The following DENND5A variants were observed in gnomAD, a reference collection of about 807,000 sequenced individuals.
The protein encoded by DENND5A is DENN domain containing 5A, also known as DENN domain-containing protein 5A.
Under a neutral mutation model 140.3 loss-of-function variants are expected in DENND5A, and 64 were observed. The observed-to-expected ratio is 0.46, with a 90% CI of 0.37 to 0.56. DENND5A has a LOEUF of 0.56. Ranked by LOEUF, DENND5A falls within the 20% of genes least tolerant of loss-of-function variation. The pLI, the probability that DENND5A is intolerant of heterozygous loss-of-function variation, is 0.00. For missense variants in DENND5A, 1,292 were observed against 1,593.8 expected (o/e 0.81, Z 3.22); for synonymous variants, 605 against 607.7 (o/e 1.00, Z 0.07).
intron 10 of DENND5A, among the ~76,000 whole-genome samples, chr11:9,167,126 C>A (rs893701841): frequency 1.3e-5 from 2 of 152,064 alleles, no homozygotes; most frequent in South Asian, 2.1e-4. Context: ...AACACAGAAC[C>A]CACATCAATG....
chr11:9,170,438 C>A (rs1848332211), intron 9 of DENND5A, among the ~76,000 whole-genome samples, 189 bp downstream of exon 9: 1 of 152,152 alleles, frequency 6.6e-6, no homozygotes, highest in African/African-American at 2.4e-5. Flanking sequence ...ATAGTGGAGG[C>A]AGAACTGAAA....
chr11:9,248,035 T>A (rs1851553884), intron 1 of DENND5A, among the ~76,000 whole-genome samples: 1 of 152,208 alleles, frequency 6.6e-6, no homozygotes, highest in African/African-American at 2.4e-5. Context: ...TTGCCCAGGC[T>A]AGAGTGCAGT....
chr11:9,177,057 C>T (rs982657311), intron 8 of DENND5A, among the ~76,000 whole-genome samples: 1 of 151,390 alleles, frequency 6.6e-6, no homozygotes, highest in African/African-American at 2.4e-5. Flanking sequence ...GAGTTCGAGG[C>T]CAGCCTGGGC....
intron 1 of DENND5A, among the ~76,000 whole-genome samples, chr11:9,241,144 A>G (rs1411713765): frequency 1.3e-5 from 2 of 152,144 alleles, no homozygotes; most frequent in Non-Finnish European, 2.9e-5. Context: ...CCAGAACTGA[A>G]AGACTCTAAA....
chr11:9,176,382 C>T (rs1208263988), intron 8 of DENND5A, among the ~76,000 whole-genome samples: 1 of 152,174 alleles, frequency 6.6e-6, no homozygotes, highest in Non-Finnish European at 1.5e-5. Context: ...AATGCCTTAA[C>T]AAGGACACTG....
intron 8 of DENND5A, among the ~76,000 whole-genome samples, chr11:9,174,503 A>C (rs1338968197): frequency 6.6e-6 from 1 of 150,988 alleles, no homozygotes; most frequent in Non-Finnish European, 1.5e-5. Flanking sequence ...ACTCTGAATA[A>C]AGAAGGTTAT....
At chr11:9,152,490 G>T in intron 12 of DENND5A, 48 bp from the exon 13 acceptor site, 3 of 1,340,076 alleles carry the variant, frequency 2.2e-6, no homozygotes, top group South Asian at 1.2e-5. Flanking sequence ...GATTTCAGGG[G>T]TCAAGGCTTT....
chr11:9,253,007 C>A (rs532516412), intron 1 of DENND5A, among the ~76,000 whole-genome samples: 1 of 147,794 alleles, frequency 6.8e-6, no homozygotes, highest in Non-Finnish European at 1.5e-5. Flanking sequence ...TACACCACTA[C>A]ACCAGGCTAA....
intron 4 of DENND5A, among the ~76,000 whole-genome samples, chr11:9,196,560 C>G (rs1016816608): frequency 3.3e-5 from 5 of 152,126 alleles, no homozygotes; most frequent in Non-Finnish European, 7.4e-5. Context: ...CTGTGAATTT[C>G]TACCCTTCAT....
At position 9,207,442 on chromosome 11, in the gene DENND5A, T is replaced by C. The variant is rs538773471; in HGVS notation, c.181+119A>G. 1.7e-4 allele frequency: 118 copies of C among 695,040 alleles called. 2 individuals are homozygous for C. The South Asian group carries it at 2.1e-3, about 12-fold the overall frequency. The allele number at this position is 695,040 out of a possible 1,614,324, so 43.1% of individuals were successfully genotyped here. ...TAGAGGGATACAAATCTGAAAAATC[T>C]AGTGGTCAAAAAAGGCACAAGAAAG... On this transcript the variant is annotated intron_variant, in intron 2 of 22. Coordinates refer to ENST00000328194, the MANE Select transcript of DENND5A (RefSeq NM_015213.4).
intron 7 of DENND5A, 75 bp from the exon 8 acceptor site, chr11:9,178,441 T>G (rs527511650): frequency 2.3e-5 from 21 of 902,924 alleles, no homozygotes; most frequent in East Asian, 1.6e-4. Context: ...TCCAGTAGGT[T>G]AATTATTCTC....
intron 10 of DENND5A, among the ~76,000 whole-genome samples, chr11:9,169,488 T>TACACACACACACAC (rs1373451205): frequency 5.6e-5 from 6 of 106,932 alleles, no homozygotes; most frequent in African/African-American, 2.4e-4. Flanking sequence ...TTTTCCTATA[T>TACACACACACACAC]ACACACGCAC....
At chr11:9,166,901 T>C (rs975266520) in intron 10 of DENND5A, among the ~76,000 whole-genome samples, 30 of 151,932 alleles carry the variant, frequency 2.0e-4, no homozygotes, top group African/African-American at 6.8e-4. Context: ...AAAAAACACA[T>C]GACTACAGCA....
chr11:9,264,197 G>A (rs541487771), intron 1 of DENND5A, among the ~76,000 whole-genome samples: 1 of 152,114 alleles, frequency 6.6e-6, no homozygotes, highest in African/African-American at 2.4e-5. Context: ...GCCAAATCTG[G>A]TCAGGGCCCC....
intron 1 of DENND5A, among the ~76,000 whole-genome samples, chr11:9,249,259 G>A (rs11042241): frequency 0.16 from 24,804 of 151,894 alleles, 2,234 homozygotes; most frequent in Non-Finnish European, 0.21. Context: ...CAAGTCCTCT[G>A]ACACTCCTGG....
Position 9,178,956 on chromosome 11 carries a change from T to C in DENND5A, c.1573A>G (p.Thr525Ala). The C allele has an allele frequency of 6.2e-7, 1 of 1,614,098 alleles. No individual in the cohort carries two copies. The highest frequency in any genetic ancestry group is 1.3e-5 in the African/African-American group (1 of 75,038). The change falls in exon 7 of 23, where the codon ACT becomes GCT. Residue 525 changes from threonine to alanine, a missense_variant. Coordinates refer to ENST00000328194, the MANE Select transcript of DENND5A (RefSeq NM_015213.4). ...QIREVFANRF[T>A]QMFADYEVFV... ...ACCTCATAATCTGCAAACATCTGAGTGAAACGATTTGCAAAAACTTCCCGG... is the reference window on the plus strand; with the variant it reads ...ACCTCATAATCTGCAAACATCTGAGCGAAACGATTTGCAAAAACTTCCCGG...
intron 11 of DENND5A, among the ~76,000 whole-genome samples, chr11:9,165,161 G>A (rs561902346): frequency 3.2e-4 from 48 of 151,738 alleles, no homozygotes; most frequent in African/African-American, 9.7e-4. Flanking sequence ...CACCACGCCC[G>A]GCTAAATTTT....
At chr11:9,206,817 A>AGT (rs755539863) in intron 2 of DENND5A, 35 bp from the exon 3 acceptor site, 1 of 1,471,780 alleles carries the variant, frequency 6.8e-7, no homozygotes. Flanking sequence ...TCATTTCTAC[A>AGT]AAATCCCTTT....
chr11:9,231,669 C>T (rs1041972323), intron 1 of DENND5A, among the ~76,000 whole-genome samples: 57 of 129,954 alleles, frequency 4.4e-4, no homozygotes, highest in South Asian at 1.0e-3. Context: ...GAGCCGAGAT[C>T]GCGCCATTGC....
Sources: gnomAD v4.1 joint callset for allele counts (sites outside exome capture counted in the v4.1 genomes callset) on GRCh38, gnomAD v4.1.1 for gene constraint, MANE v1.5 for transcripts, NCBI Gene and HGNC (gene_info 2026-07-23, HGNC 2026-07-21) for gene names.